Variants in ATG10 observed in about 807,000 individuals in gnomAD.
ATG10 encodes the protein autophagy related 10, also known as ubiquitin-like-conjugating enzyme ATG10.
A neutral mutation model predicts 32.1 loss-of-function variants in ATG10; 30 were observed. The observed-to-expected ratio is 0.94, with a 90% CI of 0.70 to 1.27. The LOEUF (loss-of-function observed/expected upper bound fraction) is 1.27, where lower values mean the gene tolerates loss of function less well. ATG10 is among the 50% of genes most tolerant of loss of function. ATG10 has a pLI of 0.00. For synonymous variants in ATG10, 87 were observed against 91.5 expected (o/e 0.95, Z 0.28); for missense variants, 233 against 262.3 (o/e 0.89, Z 0.77).
Position 81,996,693 on chromosome 5 carries a change from T to C in ATG10, c.108+9015T>C, listed in dbSNP as rs570698555. Among the ~76,000 whole-genome samples the C allele has an allele frequency of 2.0e-5, 3 of 152,336 alleles. No individual in the cohort carries two copies. The East Asian group carries it at 5.8e-4, about 29-fold the overall frequency. On this transcript the variant is annotated intron_variant, in intron 2 of 7. Coordinates refer to ENST00000282185, the MANE Select transcript of ATG10 (RefSeq NM_031482.5). The stretch of plus-strand genomic sequence containing the variant: ...GGTAGGTTAAGTTTGCAACTGAAAG[T>C]AAAATTTGTAGACGGAATATCATAG...
rs374262735 is a variant in ATG10 at position 82,174,197 on chromosome 5, T to C, written c.356-4293T>C. On this transcript the variant is annotated intron_variant, in intron 4 of 7. Transcript: ENST00000282185. ...TCAAAAACTAACTTTTGTGTGTCTT[T>C]GATGATGAAGGTGTGAACTGTGACT... 1.1e-4 allele frequency among the ~76,000 whole-genome samples: 17 copies of C among 152,318 alleles called. No individual in the cohort carries two copies. The East Asian group carries it at 2.1e-3, about 19-fold the overall frequency.
chr5:82,083,051 C>T (rs1390646170), intron 3 of ATG10, among the ~76,000 whole-genome samples: 3 of 152,216 alleles, frequency 2.0e-5, no homozygotes, highest in African/African-American at 7.2e-5. Flanking sequence ...ACCCGGGAAG[C>T]ACAAGGGGTT....
chr5:82,119,400 A>G (rs946267260), intron 3 of ATG10, among the ~76,000 whole-genome samples: 3 of 152,182 alleles, frequency 2.0e-5, no homozygotes, highest in African/African-American at 7.2e-5. Context: ...ATTTGTGAAC[A>G]TACTGGTGTG....
chr5:82,195,673 G>A (rs1168901346), intron 5 of ATG10, among the ~76,000 whole-genome samples: 1 of 152,146 alleles, frequency 6.6e-6, no homozygotes, highest in Admixed American at 6.5e-5. Context: ...CATTTGGCAT[G>A]TTTTCAAGGT....
intron 5 of ATG10, among the ~76,000 whole-genome samples, chr5:82,250,293 C>A (rs192285042): frequency 2.0e-4 from 31 of 152,158 alleles, no homozygotes; most frequent in Middle Eastern, 3.4e-3. Context: ...CCTTGTCGTT[C>A]TGATCTTTGA....
At chr5:82,061,746 A>G (rs1763781182) in intron 3 of ATG10, among the ~76,000 whole-genome samples, 1 of 142,220 alleles carries the variant, frequency 7.0e-6, no homozygotes, top group South Asian at 2.3e-4. Context: ...GTGTATGTGT[A>G]TATATGTGTA....
At chr5:82,052,055 G>A (rs1341688454) in intron 2 of ATG10, among the ~76,000 whole-genome samples, 1 of 152,108 alleles carries the variant, frequency 6.6e-6, no homozygotes, top group Non-Finnish European at 1.5e-5. Flanking sequence ...ATCAGTGCTG[G>A]CATTGACCTA....
chr5:82,050,730 G>A (rs1367785773), intron 2 of ATG10, among the ~76,000 whole-genome samples: 2 of 150,874 alleles, frequency 1.3e-5, no homozygotes, highest in Non-Finnish European at 2.9e-5. Context: ...GGCTGGGTGT[G>A]GTGGCTTACA....
chr5:82,112,600 GT>G (rs1052026574), intron 3 of ATG10, among the ~76,000 whole-genome samples: 7 of 151,684 alleles, frequency 4.6e-5, no homozygotes, highest in Admixed American at 3.3e-4. Context: ...AAAGAATTTT[GT>G]TTATTATATG....
At chr5:82,197,074 T>C (rs1272038902) in intron 5 of ATG10, among the ~76,000 whole-genome samples, 2 of 152,218 alleles carry the variant, frequency 1.3e-5, no homozygotes, top group African/African-American at 4.8e-5. Flanking sequence ...CTTTCAACAC[T>C]GTTGTATAGA....
chr5:82,209,238 A>G (rs953002317), intron 5 of ATG10, among the ~76,000 whole-genome samples: 4 of 152,110 alleles, frequency 2.6e-5, no homozygotes, highest in African/African-American at 9.7e-5. Context: ...TTTCCTGGCT[A>G]CTTTTAATAT....
At chr5:82,152,018 T>TA (rs1221646331) in intron 3 of ATG10, among the ~76,000 whole-genome samples, 1 of 152,218 alleles carries the variant, frequency 6.6e-6, no homozygotes, top group Non-Finnish European at 1.5e-5. Context: ...AATGCCATAT[T>TA]ACAGTCAAGA....
intron 6 of ATG10, among the ~76,000 whole-genome samples, chr5:82,252,992 C>A (rs1747325391): frequency 6.6e-6 from 1 of 152,186 alleles, no homozygotes; most frequent in Non-Finnish European, 1.5e-5. Context: ...CAGAACCATG[C>A]TCTTAATCAC....
At chr5:82,017,019 A>G (rs750510941) in intron 2 of ATG10, among the ~76,000 whole-genome samples, 11 of 152,072 alleles carry the variant, frequency 7.2e-5, no homozygotes, top group Non-Finnish European at 1.2e-4. Context: ...TATAATATCA[A>G]TTCAACCCCT....
intron 3 of ATG10, among the ~76,000 whole-genome samples, chr5:82,103,089 A>G (rs1358568547): frequency 6.6e-6 from 1 of 152,192 alleles, no homozygotes; most frequent in African/African-American, 2.4e-5. Flanking sequence ...AAAAGGGCCA[A>G]CTTTCTTCTA....
chr5:82,024,063 G>A (rs1298345825), intron 2 of ATG10, among the ~76,000 whole-genome samples: 6 of 152,058 alleles, frequency 3.9e-5, no homozygotes, highest in Admixed American at 3.9e-4. Context: ...AAACTGAGAG[G>A]TTTCAAAGTA....
intron 3 of ATG10, among the ~76,000 whole-genome samples, chr5:82,115,478 G>T (rs1265489915): frequency 2.0e-5 from 3 of 152,006 alleles, no homozygotes; most frequent in Non-Finnish European, 4.4e-5. Context: ...GTATGTGATT[G>T]AAAGTTTTTA....
At position 82,103,749 on chromosome 5, in the gene ATG10, A is replaced by C. The variant is rs146100832; in HGVS notation, c.216+45147A>C. ...CAGTGGTTCTCCACAGCTTCTGCCT[A>C]CAAGTGTTTTAAAAAGCTTGGTGGG... On this transcript the variant is annotated intron_variant, in intron 3 of 7. Transcript: ENST00000282185. Among the ~76,000 whole-genome samples the C allele has an allele frequency of 7.5e-3, 1,135 of 152,158 alleles. 7 individuals carry two copies. The highest frequency in any genetic ancestry group is 0.011 in the Non-Finnish European group (757 of 68,002).
intron 3 of ATG10, among the ~76,000 whole-genome samples, chr5:82,098,821 C>T (rs1165441187): frequency 6.6e-6 from 1 of 152,174 alleles, no homozygotes; most frequent in African/African-American, 2.4e-5. Context: ...TTTAAGTGAT[C>T]CACAACAAGT....
Sources: gnomAD v4.1 joint callset for allele counts (sites outside exome capture counted in the v4.1 genomes callset) on GRCh38, gnomAD v4.1.1 for gene constraint, MANE v1.5 for transcripts, NCBI Gene and HGNC (gene_info 2026-07-23, HGNC 2026-07-21) for gene names.